The following LY96 variants were observed in gnomAD, a reference collection of about 807,000 sequenced individuals.
LY96 encodes the protein myeloid differentiation protein-2.
LY96 carries 18 observed loss-of-function variants against 18.9 expected under a neutral mutation model. The observed-to-expected ratio is 0.95, with a 90% CI of 0.66 to 1.41. The LOEUF (loss-of-function observed/expected upper bound fraction) is 1.41. LY96 is among the 40% of genes most tolerant of loss of function. The pLI, the probability that LY96 is intolerant of heterozygous loss-of-function variation, is 0.00. For missense variants in LY96, 175 were observed against 182.4 expected, an observed-to-expected ratio of 0.96 and a Z score of 0.23; for synonymous variants, 66 against 62.6, an observed-to-expected ratio of 1.06 and a Z score of -0.26.
At chr8:74,071,719 G>T in the LY96 span, among the ~76,000 whole-genome samples, 6 of 152,204 alleles carry the variant, frequency 3.9e-5, no homozygotes, top group South Asian at 1.2e-3. Context: ...ACTAATATTT[G>T]TCTAAGAACT....
the LY96 span, among the ~76,000 whole-genome samples, chr8:74,062,615 T>C: frequency 6.6e-6 from 1 of 152,224 alleles, no homozygotes; most frequent in Non-Finnish European, 1.5e-5. Flanking sequence ...ATGGTGTATA[T>C]GTACCACATT....
the LY96 span, among the ~76,000 whole-genome samples, chr8:74,085,748 G>A: frequency 6.6e-6 from 1 of 151,872 alleles, no homozygotes; most frequent in Non-Finnish European, 1.5e-5. Flanking sequence ...ACTTCATTGC[G>A]GTATAATTGA....
chr8:74,005,278 G>T (rs1055078071), intron 2 of LY96, among the ~76,000 whole-genome samples: 1 of 152,194 alleles, frequency 6.6e-6, no homozygotes, highest in African/African-American at 2.4e-5. Context: ...CAGTATGGCT[G>T]CTTGCTTTTT....
the LY96 span, among the ~76,000 whole-genome samples, chr8:74,098,251 CT>C: frequency 6.6e-6 from 1 of 152,138 alleles, no homozygotes; most frequent in Non-Finnish European, 1.5e-5. Flanking sequence ...CCCAGGATTT[CT>C]TTTGGAAACT....
chr8:74,003,619 A>G (rs770453789), intron 1 of LY96, among the ~76,000 whole-genome samples: 5 of 152,246 alleles, frequency 3.3e-5, no homozygotes, highest in Non-Finnish European at 7.3e-5. Flanking sequence ...TCCTAGTTAC[A>G]GAGAACAAGA....
the LY96 span, among the ~76,000 whole-genome samples, chr8:74,047,431 C>A: frequency 9.8e-5 from 15 of 152,290 alleles, no homozygotes; most frequent in East Asian, 2.9e-3. Context: ...GGTTCAGGAG[C>A]ATTTCTTCAC....
In LY96 at chr8:73,996,528, G is replaced by A. The variant is rs560978610; in HGVS notation, c.112+4974G>A. Among the ~76,000 whole-genome samples, 71 of 151,270 alleles carry A rather than the reference G, an allele frequency of 4.7e-4. No individual in the cohort carries two copies. The Middle Eastern group carries it at 0.027, about 58-fold the overall frequency. On this transcript the variant is annotated intron_variant, in intron 1 of 4. Transcript: ENST00000284818. ...AACCTCCCAGGTTCAAGCGATTTTCGTGCCTCGGCCTCCCAAGTAGCTGGG... is the reference window on the plus strand; with the variant it reads ...AACCTCCCAGGTTCAAGCGATTTTCATGCCTCGGCCTCCCAAGTAGCTGGG...
At chr8:74,055,053 C>T in the LY96 span, among the ~76,000 whole-genome samples, 1 of 151,966 alleles carries the variant, frequency 6.6e-6, no homozygotes, top group Non-Finnish European at 1.5e-5. Context: ...CACTACAGGC[C>T]AGCACCACCA....
the LY96 span, among the ~76,000 whole-genome samples, chr8:74,079,885 ATG>A: frequency 2.0e-5 from 3 of 151,404 alleles, no homozygotes; most frequent in Non-Finnish European, 3.0e-5. Flanking sequence ...GACTTAAAAA[ATG>A]TGTGTGTGTG....
chr8:74,055,407 CT>C, the LY96 span, among the ~76,000 whole-genome samples: 1 of 152,064 alleles, frequency 6.6e-6, no homozygotes, highest in African/African-American at 2.4e-5. Context: ...GTTATTTAAG[CT>C]TTTTTCCTTG....
intron 3 of LY96, among the ~76,000 whole-genome samples, chr8:74,010,855 C>T (rs982677806): frequency 2.0e-5 from 3 of 151,498 alleles, no homozygotes; most frequent in Non-Finnish European, 2.9e-5. Context: ...ACATGACTCT[C>T]CTACTGTGTC....
chr8:74,032,839 T>C (rs1816993698), downstream of LY96, among the ~76,000 whole-genome samples: 1 of 152,194 alleles, frequency 6.6e-6, no homozygotes, highest in Non-Finnish European at 1.5e-5. Flanking sequence ...GTGATCCAAA[T>C]ACACAGGAGG....
At chr8:74,066,452 T>A in the LY96 span, among the ~76,000 whole-genome samples, 3 of 152,142 alleles carry the variant, frequency 2.0e-5, no homozygotes, top group Admixed American at 2.0e-4. Context: ...ACATGACGGA[T>A]AAAGGTGTCT....
chr8:73,996,356 CCTT>C, intron 1 of LY96, among the ~76,000 whole-genome samples: 1 of 126,592 alleles, frequency 7.9e-6, no homozygotes, highest in African/African-American at 3.0e-5. Flanking sequence ...TTCCTTCCTT[CCTT>C]CCTTCCTTCA....
chr8:74,050,388 TA>T, the LY96 span, among the ~76,000 whole-genome samples: 30 of 151,706 alleles, frequency 2.0e-4, no homozygotes, highest in Middle Eastern at 6.8e-3. Context: ...TTAAAATATT[TA>T]AAAAAAAGAC....
At chr8:74,044,633 G>A in the LY96 span, among the ~76,000 whole-genome samples, 3 of 152,126 alleles carry the variant, frequency 2.0e-5, no homozygotes, top group South Asian at 4.2e-4. Flanking sequence ...AAATGGAGAC[G>A]GTGGTGAGGG....
chr8:74,002,081 TTCTTTCTTTCTTTCTCTC>T (rs1563710869), intron 1 of LY96, among the ~76,000 whole-genome samples: 1 of 27,656 alleles, frequency 3.6e-5, no homozygotes, highest in African/African-American at 2.0e-4. Context: ...CTTCCTTTCT[TTCTTTCTTTCTTTCTCTC>T]TCTCTCTCTC....
the LY96 span, among the ~76,000 whole-genome samples, chr8:74,084,041 G>C: frequency 6.8e-6 from 1 of 146,268 alleles, no homozygotes; most frequent in Non-Finnish European, 1.5e-5. Context: ...TTTTTGTTTC[G>C]TTGCAATTTA....
chr8:74,048,027 T>C, the LY96 span, among the ~76,000 whole-genome samples: 1 of 152,090 alleles, frequency 6.6e-6, no homozygotes, highest in Non-Finnish European at 1.5e-5. Context: ...GCCTCCTGAG[T>C]GTGTGGGACC....
Sources: allele counts gnomAD v4.1 joint callset (sites outside exome capture counted in the v4.1 genomes callset), GRCh38; gene constraint gnomAD v4.1.1; transcripts MANE v1.5; gene names NCBI Gene and HGNC (gene_info 2026-07-23, HGNC 2026-07-21).